The following POLR1D variants were observed in gnomAD, a reference collection of about 807,000 sequenced individuals.
POLR1D encodes RNA polymerase I and III subunit D.
Under a neutral mutation model 10.8 loss-of-function variants are expected in POLR1D, and 8 were observed. The observed-to-expected ratio is 0.74, with a 90% CI of 0.43 to 1.33. The LOEUF is 1.33. POLR1D is among the 40% of genes most tolerant of loss of function. POLR1D has a pLI of 0.01. For missense variants in POLR1D, 152 were observed against 161.7 expected (o/e 0.94, Z 0.32); for synonymous variants, 54 against 57.2 (o/e 0.94, Z 0.25).
intron 2 of POLR1D, among the ~76,000 whole-genome samples, chr13:27,648,731 C>T (rs562023838): frequency 1.3e-4 from 20 of 152,240 alleles, no homozygotes; most frequent in South Asian, 2.1e-4. Context: ...TACTACTGTG[C>T]GCAAAGTCAC....
intron 1 of POLR1D, among the ~76,000 whole-genome samples, chr13:27,636,657 C>T (rs907320156): frequency 6.6e-6 from 1 of 152,132 alleles, no homozygotes; most frequent in African/African-American, 2.4e-5. Context: ...GAAAATGCAG[C>T]GCCCCTTTCT....
chr13:27,657,397 G>A (rs1369994400), intron 2 of POLR1D, among the ~76,000 whole-genome samples: 1 of 152,028 alleles, frequency 6.6e-6, no homozygotes, highest in Non-Finnish European at 1.5e-5. Context: ...GGGCATGGTG[G>A]CGCCTGTGTT....
chr13:27,656,836 C>G (rs1187530294), intron 2 of POLR1D, among the ~76,000 whole-genome samples: 1 of 152,080 alleles, frequency 6.6e-6, no homozygotes, highest in Non-Finnish European at 1.5e-5. Context: ...AAAAGGGAAG[C>G]AGTCCAAATG....
rs1336659006 is a variant in POLR1D, at chr13:27,622,172, G to C, written c.26+163G>C. The C allele has an allele frequency of 1.8e-5, 12 of 676,610 alleles. No homozygotes were observed. In the Middle Eastern group the frequency reaches 1.5e-3, roughly 85 times the overall value. 41.9% of individuals were successfully genotyped at this position (676,610 alleles called of 1,614,324 possible). ...GACATGAATGTGTTTCAGTTGAGAG[G>C]CTGAGAGGTACACTAGCTATCAAGG... On this transcript the variant is annotated intron_variant, in intron 1 of 1. Transcript: ENST00000302979.
At chr13:27,647,588 T>G (rs2138554485) in intron 1 of POLR1D, among the ~76,000 whole-genome samples, 1 of 152,252 alleles carries the variant, frequency 6.6e-6, no homozygotes, top group Admixed American at 6.5e-5. Context: ...ATTCTACACA[T>G]ATTCTTTTGT....
intron 2 of POLR1D, among the ~76,000 whole-genome samples, chr13:27,649,347 A>G (rs545785274): frequency 1.3e-5 from 2 of 152,326 alleles, no homozygotes; most frequent in East Asian, 3.9e-4. Context: ...ATCAAGCAAA[A>G]TAAAACATGG....
At chr13:27,655,777 C>A (rs1956302701) in intron 2 of POLR1D, among the ~76,000 whole-genome samples, 1 of 147,244 alleles carries the variant, frequency 6.8e-6, no homozygotes, top group East Asian at 1.9e-4. Context: ...GTATGAGATT[C>A]GTGTAAGACT....
At chr13:27,654,798 G>T (rs1029451021) in intron 2 of POLR1D, among the ~76,000 whole-genome samples, 10 of 152,232 alleles carry the variant, frequency 6.6e-5, no homozygotes, top group African/African-American at 2.4e-4. Flanking sequence ...AACTGGAAGT[G>T]CATGGTGGTA....
At chr13:27,643,414 T>C (rs973504045) in intron 1 of POLR1D, among the ~76,000 whole-genome samples, 1 of 152,186 alleles carries the variant, frequency 6.6e-6, no homozygotes, top group African/African-American at 2.4e-5. Flanking sequence ...ATCTGATATT[T>C]TACTGAAATT....
upstream of POLR1D, chr13:27,621,384 A>G (rs947967503): frequency 1.3e-5 from 2 of 152,448 alleles, no homozygotes; most frequent in African/African-American, 4.8e-5. Context: ...ACCGCCTTCA[A>G]CCTTCGTATT....
exon 3 of POLR1D, chr13:27,666,690 T>A (rs1956421990): frequency 6.6e-6 from 1 of 152,194 alleles, no homozygotes; most frequent in Admixed American, 6.5e-5. Context: ...TGCTAGATCT[T>A]ACCAGCTAAA....
At chr13:27,652,434 GT>G (rs1176552492) in intron 2 of POLR1D, among the ~76,000 whole-genome samples, 1 of 152,206 alleles carries the variant, frequency 6.6e-6, no homozygotes, top group African/African-American at 2.4e-5. Context: ...GTTACACAGA[GT>G]TACTGGGGAC....
chr13:27,642,541 T>C (rs559996176), intron 1 of POLR1D, among the ~76,000 whole-genome samples: 8 of 152,308 alleles, frequency 5.3e-5, no homozygotes, highest in African/African-American at 1.2e-4. Context: ...CCCATCATCA[T>C]CTATTCTGTC....
chr13:27,627,883 CA>C (rs3081352), downstream of POLR1D, among the ~76,000 whole-genome samples: 58,653 of 150,288 alleles, frequency 0.39, 11,562 homozygotes, highest in East Asian at 0.58. Context: ...AGGATGGATA[CA>C]AAAAAAAAAT....
Position 27,623,355 on chromosome 13 carries a change from A to C in POLR1D, c.*105A>C. The C allele has an allele frequency of 6.4e-7, 1 of 1,560,752 alleles. No homozygotes were observed. Among genetic ancestry groups the C allele is most frequent in the Non-Finnish European group, 8.7e-7 (1 of 1,154,244 alleles). ...GTGGTTACAGCATACTCTGTCCTTC[A>C]GAAAGGCGTGATTCTAGCTGTTGAC... is the stretch of plus-strand genomic sequence containing the variant. On this transcript the variant is annotated 3_prime_UTR_variant, in exon 2 of 2. Coordinates refer to ENST00000302979, the MANE Select transcript of POLR1D (RefSeq NM_015972.4).
chr13:27,630,333 T>C (rs1445477135), intron 1 of POLR1D, among the ~76,000 whole-genome samples: 1 of 152,216 alleles, frequency 6.6e-6, no homozygotes, highest in African/African-American at 2.4e-5. Context: ...AAAAAAATTA[T>C]GAATAATGCC....
At chr13:27,665,364 T>C (rs1274011902) in intron 2 of POLR1D, 1 of 275,412 alleles carries the variant, frequency 3.6e-6, no homozygotes, top group African/African-American at 2.2e-5. Context: ...ACTTACTAGT[T>C]TGAAAGAAAA....
chr13:27,649,327 A>T (rs1956246797), intron 2 of POLR1D, among the ~76,000 whole-genome samples: 1 of 152,218 alleles, frequency 6.6e-6, no homozygotes, highest in South Asian at 2.1e-4. Flanking sequence ...GGAAAAGATA[A>T]TACCTAAAAA....
Position 27,638,002 on chromosome 13 carries a change from T to C in POLR1D, c.27-10377T>C, listed in dbSNP as rs574748326. On this transcript the variant is annotated intron_variant, in intron 1 of 2. Transcript: ENST00000399697. ...AGAAAATATTGTCTACGTATATATGTACTATTTTTTCAAAATCTCTCCCTG... is the reference window on the plus strand; with the variant it reads ...AGAAAATATTGTCTACGTATATATGCACTATTTTTTCAAAATCTCTCCCTG... 1.7e-3 allele frequency among the ~76,000 whole-genome samples: 258 copies of C among 152,300 alleles called. 7 individuals carry two copies. In the South Asian group the frequency reaches 0.052, roughly 31 times the overall value.
Sources: allele counts gnomAD v4.1 joint callset (sites outside exome capture counted in the v4.1 genomes callset), GRCh38; gene constraint gnomAD v4.1.1; transcripts MANE v1.5; gene names NCBI Gene and HGNC (gene_info 2026-07-23, HGNC 2026-07-21).